The following ZNF140 variants were observed in gnomAD, a reference collection of about 807,000 sequenced individuals.
The protein encoded by ZNF140 is zinc finger protein 140 (clone pHZ-39).
In ZNF140, 13 loss-of-function variants were observed where a neutral mutation model predicts 12.9. That is an observed-to-expected ratio of 1.01 (90% CI 0.66 to 1.60). The LOEUF (loss-of-function observed/expected upper bound fraction) is 1.60, where lower values mean the gene tolerates loss of function less well. Ranked by LOEUF, ZNF140 falls within the 40% of genes most tolerant of loss-of-function variation. The pLI is 0.00. For synonymous variants in ZNF140, 214 were observed against 186.7 expected (o/e 1.15, Z -1.19); for missense variants, 531 against 548.8 (o/e 0.97, Z 0.32).
chr12:133,080,496 CTCCGCTAGTTG>C (rs1330714701), upstream of ZNF140: 6 of 152,376 alleles, frequency 3.9e-5, no homozygotes, highest in Non-Finnish European at 8.8e-5. Context: ...TTCTTCGTTT[CTCCGCTAGTTG>C]TGCGCTTGGC....
intron 4 of ZNF140, among the ~76,000 whole-genome samples, chr12:133,100,403 A>C (rs1156593601): frequency 6.6e-6 from 1 of 152,042 alleles, no homozygotes; most frequent in Non-Finnish European, 1.5e-5. Context: ...TCTGGCCTCA[A>C]GCACTTAGGC....
At chr12:133,096,964 G>C (rs966689754) in intron 4 of ZNF140, among the ~76,000 whole-genome samples, 1 of 152,216 alleles carries the variant, frequency 6.6e-6, no homozygotes, top group Non-Finnish European at 1.5e-5. Flanking sequence ...AAGTCCCCAA[G>C]TGTAATAGTG....
rs781218697 is a variant in ZNF140, at chr12:133,106,293, G to A, written c.1016G>A (p.Arg339His). 34 of 1,614,054 alleles carry A rather than the reference G, an allele frequency of 2.1e-5. No homozygotes were observed. Among genetic ancestry groups the A allele is most frequent in the African/African-American group, 1.9e-4 (14 of 74,930 alleles). ...YECNECRKAF[R>H]CHSFLIKHQR... The stretch of plus-strand genomic sequence containing the variant: ...TGTAATGAATGTAGGAAAGCTTTCC[G>A]TTGTCACTCATTCCTTATTAAACAT... The change falls in exon 5 of 5, where the codon CGT becomes CAT. Residue 339 changes from arginine to histidine, a missense_variant. Transcript: ENST00000355557.
At chr12:133,099,216 A>T (rs11610647) in intron 4 of ZNF140, among the ~76,000 whole-genome samples, 2 of 151,560 alleles carry the variant, frequency 1.3e-5, no homozygotes, top group South Asian at 2.1e-4. Context: ...TCTGTCACCC[A>T]GGCTGGAGTG....
chr12:133,083,014 A>C, intron 2 of ZNF140, 89 bp from the exon 3 acceptor site: 1 of 1,598,326 alleles, frequency 6.3e-7, no homozygotes, highest in African/African-American at 1.3e-5. Context: ...CACATTGCCT[A>C]ACCTCCACAG....
chr12:133,092,986 A>G (rs1954944993), intron 4 of ZNF140, among the ~76,000 whole-genome samples: 1 of 151,124 alleles, frequency 6.6e-6, no homozygotes, highest in South Asian at 2.1e-4. Context: ...CCTGTAAATT[A>G]TTCATTTGTG....
intron 4 of ZNF140, among the ~76,000 whole-genome samples, chr12:133,086,333 C>G (rs1382848796): frequency 6.6e-6 from 1 of 152,172 alleles, no homozygotes; most frequent in Non-Finnish European, 1.5e-5. Flanking sequence ...AAGTGAATGC[C>G]TGTTGGGCAT....
chr12:133,103,020 T>C (rs1277581871), intron 4 of ZNF140, among the ~76,000 whole-genome samples: 1 of 151,940 alleles, frequency 6.6e-6, no homozygotes, highest in African/African-American at 2.4e-5. Context: ...TTAACCCCAT[T>C]TTTTCTTCTT....
At chr12:133,092,086 C>T (rs1336606627) in intron 4 of ZNF140, among the ~76,000 whole-genome samples, 1 of 151,122 alleles carries the variant, frequency 6.6e-6, no homozygotes, top group African/African-American at 2.5e-5. Flanking sequence ...AATTCTTTTG[C>T]CAATTATTCA....
chr12:133,087,331 G>T (rs1055363430), intron 4 of ZNF140, among the ~76,000 whole-genome samples: 2 of 151,990 alleles, frequency 1.3e-5, no homozygotes, highest in Non-Finnish European at 2.9e-5. Flanking sequence ...AAGTTTGTAG[G>T]GGAGGGAAGA....
At chr12:133,091,898 A>T (rs1954903216) in intron 4 of ZNF140, among the ~76,000 whole-genome samples, 1 of 151,032 alleles carries the variant, frequency 6.6e-6, no homozygotes, top group Non-Finnish European at 1.5e-5. Context: ...TGATGTTCAG[A>T]TTCATTATAG....
chr12:133,106,654 T>C lies in ZNF140; in HGVS notation c.*3T>C. 6.4e-7 allele frequency: 1 copy of C among 1,561,056 alleles called. No homozygotes were observed. The highest frequency in any genetic ancestry group is 8.6e-7 in the Non-Finnish European group (1 of 1,160,758). The stretch of plus-strand genomic sequence containing the variant: ...CATTCCTTACTGAACACCAGTGAAT[T>C]TACACTGCAAAGAAAAACTATGAAT... On this transcript the variant is annotated 3_prime_UTR_variant, in exon 5 of 5. Coordinates refer to ENST00000355557, the MANE Select transcript of ZNF140 (RefSeq NM_003440.4).
intron 2 of ZNF140, chr12:133,081,645 G>A: frequency 2.2e-6 from 1 of 448,672 alleles, no homozygotes; most frequent in Non-Finnish European, 4.5e-6. Context: ...TGAAGAGAGT[G>A]ACAGGAAGCT....
At chr12:133,088,414 T>C (rs1303305572) in intron 4 of ZNF140, among the ~76,000 whole-genome samples, 2 of 152,254 alleles carry the variant, frequency 1.3e-5, no homozygotes, top group African/African-American at 4.8e-5. Context: ...TGCATTTTAG[T>C]TACATGTCTT....
chr12:133,101,423 C>A (rs905603835), intron 4 of ZNF140, among the ~76,000 whole-genome samples: 13 of 151,974 alleles, frequency 8.6e-5, no homozygotes, highest in African/African-American at 3.1e-4. Context: ...CTTATGAGCC[C>A]ATTGAAGGCA....
At position 133,106,342 on chromosome 12, in the gene ZNF140, G is replaced by A. The variant is rs1955596027; in HGVS notation, c.1065G>A (p.Lys355=). ...ATCAGAGAATTCATGCTGGAGAAAA[G>A]CTCTATGAATGTGATGAATGTGGTA... ...IKHQRIHAGE[K]LYECDECGKV... The change falls in exon 5 of 5, where the codon AAG becomes AAA. Residue 355 remains lysine (K), a synonymous_variant. Coordinates refer to ENST00000355557, the MANE Select transcript of ZNF140 (RefSeq NM_003440.4). The A allele has an allele frequency of 6.2e-7, 1 of 1,614,014 alleles. No homozygotes were observed. The highest frequency in any genetic ancestry group is 1.3e-5 in the African/African-American group (1 of 74,898).
chr12:133,081,532 G>C (rs1954503013), intron 2 of ZNF140: 1 of 457,022 alleles, frequency 2.2e-6, no homozygotes, highest in African/African-American at 2.0e-5. Context: ...TGTTTTTCAG[G>C]ACTTGGGACG....
chr12:133,091,298 C>T lies in ZNF140; in HGVS notation c.232+7737C>T, dbSNP rs971122128. The stretch of plus-strand genomic sequence containing the variant: ...ATGGCGATGACTTTTACCAAGTATA[C>T]TGCTTGTAAACATTTTGTTAACAAG... On this transcript the variant is annotated intron_variant, in intron 4 of 4. Coordinates refer to ENST00000355557, the MANE Select transcript of ZNF140 (RefSeq NM_003440.4). Among the ~76,000 whole-genome samples, 578 of 150,976 alleles carry T rather than the reference C, an allele frequency of 3.8e-3. 11 individuals carry two copies. The highest frequency in any genetic ancestry group is 0.014 in the Middle Eastern group (4 of 294).
chr12:133,099,988 T>G (rs1955277726), intron 4 of ZNF140, among the ~76,000 whole-genome samples: 1 of 151,924 alleles, frequency 6.6e-6, no homozygotes, highest in African/African-American at 2.4e-5. Context: ...CCTTGTTCTT[T>G]TTCTTGGTTT....
Sources: gnomAD v4.1 joint callset for allele counts (sites outside exome capture counted in the v4.1 genomes callset) on GRCh38, gnomAD v4.1.1 for gene constraint, MANE v1.5 for transcripts, NCBI Gene and HGNC (gene_info 2026-07-23, HGNC 2026-07-21) for gene names.